FER1L6: variants seen among roughly 807,000 people sequenced by gnomAD.
The protein encoded by FER1L6 is fer-1-like protein 6.
FER1L6 carries 177 observed loss-of-function variants against 219.2 expected under a neutral mutation model. The observed-to-expected ratio is 0.81, with a 90% CI of 0.71 to 0.91. FER1L6 has a LOEUF of 0.91. Among genes scored for constraint, FER1L6 ranks in the 40% least tolerant of loss-of-function variants. The pLI, the probability that FER1L6 is intolerant of heterozygous loss-of-function variation, is 0.00. For missense variants in FER1L6, 2,153 were observed against 2,259.9 expected (o/e 0.95, Z 0.96); for synonymous variants, 768 against 824.3 (o/e 0.93, Z 1.17).
intron 31 of FER1L6, among the ~76,000 whole-genome samples, chr8:124,072,595 C>G (rs545863953): frequency 3.3e-5 from 5 of 152,292 alleles, no homozygotes; most frequent in African/African-American, 1.2e-4. Context: ...TCCTTTAATG[C>G]TAAGGGAGAA....
chr8:123,979,120 G>A (rs1056685221), intron 10 of FER1L6, among the ~76,000 whole-genome samples: 1 of 152,120 alleles, frequency 6.6e-6, no homozygotes, highest in African/African-American at 2.4e-5. Context: ...AAATGTGTAG[G>A]CATAAAACTA....
intron 22 of FER1L6, among the ~76,000 whole-genome samples, chr8:124,051,215 C>T (rs1291086522): frequency 6.6e-6 from 1 of 152,138 alleles, no homozygotes; most frequent in Non-Finnish European, 1.5e-5. Flanking sequence ...TCTTGGACTT[C>T]CCAGCCTCCA....
intron 33 of FER1L6, among the ~76,000 whole-genome samples, chr8:124,087,036 G>C (rs1445472909): frequency 6.6e-6 from 1 of 152,152 alleles, no homozygotes; most frequent in Non-Finnish European, 1.5e-5. Flanking sequence ...ACCTTTGGGA[G>C]TTTGATTATT....
intron 1 of FER1L6, among the ~76,000 whole-genome samples, chr8:123,946,292 T>C (rs4871445): frequency 0.71 from 107,482 of 152,036 alleles, 38,245 homozygotes; most frequent in South Asian, 0.84. Flanking sequence ...CACTTTGTCA[T>C]GCAAGCTGGA....
chr8:124,097,640 C>G, intron 36 of FER1L6, 145 bp from the exon 37 acceptor site: 1 of 616,052 alleles, frequency 1.6e-6, no homozygotes, highest in South Asian at 2.0e-5. Context: ...TTGGTTCTGA[C>G]AGAACCAAGC....
At chr8:123,924,466 C>T (rs534649368) in intron 1 of FER1L6, among the ~76,000 whole-genome samples, 49 of 151,160 alleles carry the variant, frequency 3.2e-4, no homozygotes, top group African/African-American at 9.2e-4. Flanking sequence ...CGCTTGAACC[C>T]GGGAGGCAGA....
Position 124,059,628 on chromosome 8 carries a change from C to A in FER1L6, c.2875-552C>A, listed in dbSNP as rs112047005. Among the ~76,000 whole-genome samples the A allele has an allele frequency of 5.3e-3, 808 of 152,274 alleles. 16 individuals carry two copies. The highest frequency in any genetic ancestry group is 0.019 in the African/African-American group (770 of 41,564). On this transcript the variant is annotated intron_variant, in intron 22 of 40. Coordinates refer to ENST00000522917, the MANE Select transcript of FER1L6 (RefSeq NM_001039112.2). The stretch of plus-strand genomic sequence containing the variant: ...TTAACCCCAAGTGCACAAGAAGAGA[C>A]AAGTTTTCATCTGCCTTCAAAACAT...
chr8:124,060,735 T>G (rs1344674409), intron 24 of FER1L6, 26 bp downstream of exon 24: 39 of 1,603,512 alleles, frequency 2.4e-5, no homozygotes, highest in Non-Finnish European at 3.2e-5. Flanking sequence ...TCTCCCGACC[T>G]GGCTCATTCC....
chr8:124,015,607 A>ATATATATATATATATATATGTATGTATG (rs71289634), intron 15 of FER1L6, among the ~76,000 whole-genome samples: 4 of 88,606 alleles, frequency 4.5e-5, no homozygotes, highest in African/African-American at 1.7e-4. Flanking sequence ...ATATATATAT[A>ATATATATATATATATATATGTATGTATG]TATATATATT....
At chr8:123,894,856 G>T (rs146469257) in intron 1 of FER1L6, among the ~76,000 whole-genome samples, 2 of 152,284 alleles carry the variant, frequency 1.3e-5, no homozygotes, top group African/African-American at 4.8e-5. Context: ...AATAGCCATG[G>T]TAATGATAGT....
chr8:123,956,996 G>T (rs1815049534), intron 2 of FER1L6, among the ~76,000 whole-genome samples: 1 of 152,300 alleles, frequency 6.6e-6, no homozygotes, highest in Admixed American at 6.5e-5. Flanking sequence ...GGACAGATGG[G>T]GTGGTCCTCT....
chr8:124,105,845 G>A (rs1485885807), intron 39 of FER1L6, among the ~76,000 whole-genome samples: 2 of 152,140 alleles, frequency 1.3e-5, no homozygotes, highest in Non-Finnish European at 2.9e-5. Context: ...ATACTGATAC[G>A]TGCAACAACA....
intron 7 of FER1L6, 127 bp downstream of exon 7, chr8:123,973,639 G>A: frequency 1.4e-6 from 1 of 733,226 alleles, no homozygotes. Flanking sequence ...GTTATACAAA[G>A]TTGAATGAGA....
chr8:124,063,837 G>A (rs1036964879), intron 25 of FER1L6, among the ~76,000 whole-genome samples: 2 of 152,190 alleles, frequency 1.3e-5, no homozygotes, highest in African/African-American at 4.8e-5. Flanking sequence ...GTGAAGGACA[G>A]CATTATAACC....
At chr8:124,116,989 G>A (rs535326269) in intron 39 of FER1L6, among the ~76,000 whole-genome samples, 34 of 152,270 alleles carry the variant, frequency 2.2e-4, no homozygotes, top group African/African-American at 7.5e-4. Context: ...TCAAGAAGAC[G>A]AATACCATTG....
chr8:123,955,901 A>G, intron 1 of FER1L6, 91 bp from the exon 2 acceptor site: 1 of 1,229,150 alleles, frequency 8.1e-7, no homozygotes, highest in Non-Finnish European at 1.2e-6. Context: ...GGTGGGCTTC[A>G]TGAAGCTCGG....
In FER1L6 at chr8:124,067,812, C is replaced by A; in HGVS notation, c.3718+6C>A. 1.9e-6 allele frequency: 3 copies of A among 1,611,570 alleles called. No homozygotes were observed. The highest frequency in any genetic ancestry group is 1.1e-5 in the South Asian group (1 of 90,998). On this transcript the variant is annotated splice_donor_region_variant and intron_variant, in intron 28 of 40. Coordinates refer to ENST00000522917, the MANE Select transcript of FER1L6 (RefSeq NM_001039112.2). ...GGGAAAAAAAGGCAATACAGGTAAG[C>A]AGTTATTCTGGGGACATTTGTCCAT...
At chr8:124,087,471 CTTCT>C (rs1200022512) in intron 33 of FER1L6, among the ~76,000 whole-genome samples, 1 of 151,986 alleles carries the variant, frequency 6.6e-6, no homozygotes, top group Non-Finnish European at 1.5e-5. Flanking sequence ...TTCTGAATTC[CTTCT>C]TTGTGTTATC....
intron 22 of FER1L6, among the ~76,000 whole-genome samples, chr8:124,051,156 T>C (rs1820005257): frequency 6.6e-6 from 1 of 152,122 alleles, no homozygotes; most frequent in Non-Finnish European, 1.5e-5. Context: ...CCTCTCCCTC[T>C]CTTGGTCGCA....
Sources: gnomAD v4.1 joint callset for allele counts (sites outside exome capture counted in the v4.1 genomes callset) on GRCh38, gnomAD v4.1.1 for gene constraint, MANE v1.5 for transcripts, NCBI Gene and HGNC (gene_info 2026-07-23, HGNC 2026-07-21) for gene names.